Variants in COL4A3 observed in about 807,000 individuals in gnomAD.
COL4A3 encodes collagen alpha-3(IV) chain.
In COL4A3, 135 loss-of-function variants were observed where a neutral mutation model predicts 217.4. The ratio of observed to expected loss-of-function variants is 0.62; its 90% confidence interval spans 0.54 to 0.72. The LOEUF (loss-of-function observed/expected upper bound fraction) is 0.72. COL4A3 is among the 30% of genes least tolerant of loss of function. COL4A3 has a pLI of 0.00. For missense variants in COL4A3, 1,868 were observed against 2,119.9 expected (o/e 0.88, Z 2.33); for synonymous variants, 690 against 736.3 (o/e 0.94, Z 1.02).
chr2:227,201,343 ATAGT>A (rs1370531301), intron 1 of COL4A3, among the ~76,000 whole-genome samples: 4 of 152,178 alleles, frequency 2.6e-5, no homozygotes, highest in African/African-American at 4.8e-5. Flanking sequence ...AGGAGTTGAC[ATAGT>A]TAGGTGGAAT....
chr2:227,244,452 T>C, intron 4 of COL4A3, 88 bp downstream of exon 4: 8 of 1,240,608 alleles, frequency 6.4e-6, no homozygotes, highest in Non-Finnish European at 9.5e-6. Context: ...GAGTACACTG[T>C]GTATGGTTCC....
At chr2:227,300,530 G>A (rs575111858) in intron 43 of COL4A3, among the ~76,000 whole-genome samples, 4 of 152,236 alleles carry the variant, frequency 2.6e-5, no homozygotes, top group Non-Finnish European at 5.9e-5. Context: ...TCTTAGCAGC[G>A]TATTAGACAA....
In COL4A3 at chr2:227,243,537, G is replaced by T. The variant is rs183890059; in HGVS notation, c.235-783G>T. Among the ~76,000 whole-genome samples the T allele has an allele frequency of 4.6e-5, 7 of 152,332 alleles. No individual in the cohort carries two copies. The East Asian group carries it at 1.3e-3, about 29-fold the overall frequency. On this transcript the variant is annotated intron_variant, in intron 3 of 51. Transcript: ENST00000396578. ...GCACCCCGGAATTCCGCCATAGATG[G>T]GAGAGACTGACTTTGGCCTTGACAG...
Position 227,262,289 on chromosome 2 carries a change from G to A in COL4A3, c.1150+1172G>A, listed in dbSNP as rs2070628842. Among the ~76,000 whole-genome samples the A allele has an allele frequency of 2.6e-5, 4 of 151,950 alleles. No individual in the cohort carries two copies. In the South Asian group the frequency reaches 8.3e-4, roughly 32 times the overall value. On this transcript the variant is annotated intron_variant, in intron 20 of 51. Transcript: ENST00000396578. ...AGGAAGACCTCCTTCCCCCTGCCAG[G>A]CCCCTAAGTAAAAAAAACAAAACAA...
intron 11 of COL4A3, among the ~76,000 whole-genome samples, chr2:227,251,936 G>C (rs565688751): frequency 6.6e-6 from 1 of 151,766 alleles, no homozygotes; most frequent in African/African-American, 2.4e-5. Flanking sequence ...GGGCATGGTG[G>C]TGCATGCCTG....
At chr2:227,309,876 C>T (rs1267962361) in intron 50 of COL4A3, among the ~76,000 whole-genome samples, 4 of 152,164 alleles carry the variant, frequency 2.6e-5, no homozygotes, top group African/African-American at 9.7e-5. Context: ...ATCTGCCCAA[C>T]TCAGCCTCCC....
intron 9 of COL4A3, among the ~76,000 whole-genome samples, chr2:227,249,230 A>ATATATATATTTTTTTTTTTTTTTTTTTT: frequency 6.8e-5 from 1 of 14,692 alleles, no homozygotes; most frequent in Non-Finnish European, 1.2e-4. Context: ...ATATATATAT[A>ATATATATATTTTTTTTTTTTTTTTTTTT]TTTTTTTTTT....
At position 227,256,625 on chromosome 2, in the gene COL4A3, G is replaced by A. The variant is rs946899412; in HGVS notation, c.987+229G>A. The A allele has an allele frequency of 7.2e-5, 51 of 710,092 alleles. No homozygotes were observed. The Admixed American group carries it at 9.1e-4, about 13-fold the overall frequency. The allele number at this position is 710,092 out of a possible 1,614,324, so 44.0% of individuals were successfully genotyped here. On this transcript the variant is annotated intron_variant, in intron 17 of 51. Coordinates refer to ENST00000396578, the MANE Select transcript of COL4A3 (RefSeq NM_000091.5). Reference sequence around the variant, plus strand: ...TTGTACTGTGTACTTGAAGCTGTCTGACTTAGGACCAGTGAGAGTGCAGCT... The same window carrying A: ...TTGTACTGTGTACTTGAAGCTGTCTAACTTAGGACCAGTGAGAGTGCAGCT...
chr2:227,269,119 G>T (rs2071090802), intron 23 of COL4A3, among the ~76,000 whole-genome samples: 1 of 152,148 alleles, frequency 6.6e-6, no homozygotes, highest in South Asian at 2.1e-4. Flanking sequence ...GTCATTTAAA[G>T]GGATCATCTT....
intron 33 of COL4A3, 21 bp downstream of exon 33, chr2:227,283,877 C>G (rs1359554858): frequency 6.4e-7 from 1 of 1,572,052 alleles, no homozygotes; most frequent in Admixed American, 1.7e-5. Context: ...GAGTGTCTTT[C>G]TAAATAGCAG....
intron 34 of COL4A3, among the ~76,000 whole-genome samples, chr2:227,286,584 C>T (rs1389909317): frequency 3.3e-5 from 5 of 152,206 alleles, no homozygotes; most frequent in East Asian, 1.9e-4. Context: ...GGTCAAGTTA[C>T]TTGCCCAATG....
At chr2:227,302,563 G>C (rs1337658338) in intron 43 of COL4A3, among the ~76,000 whole-genome samples, 3 of 151,002 alleles carry the variant, frequency 2.0e-5, no homozygotes, top group African/African-American at 7.3e-5. Flanking sequence ...TATAATCCCA[G>C]CTACTTGGGA....
intron 1 of COL4A3, among the ~76,000 whole-genome samples, chr2:227,202,936 T>C (rs796530363): frequency 7.3e-5 from 2 of 27,312 alleles, no homozygotes; most frequent in African/African-American, 4.3e-4. Context: ...TATATATGTG[T>C]ATATATGTGT....
At chr2:227,266,172 C>T (rs944082251) in intron 21 of COL4A3, among the ~76,000 whole-genome samples, 7 of 150,258 alleles carry the variant, frequency 4.7e-5, no homozygotes, top group Non-Finnish European at 8.9e-5. Context: ...TAGGTTGATT[C>T]TGTGACCAAA....
intron 3 of COL4A3, among the ~76,000 whole-genome samples, chr2:227,243,946 AG>A (rs1449945273): frequency 2.0e-5 from 3 of 152,192 alleles, no homozygotes; most frequent in Non-Finnish European, 2.9e-5. Context: ...GAGGCTAATT[AG>A]GACTTTTGCA....
At chr2:227,241,440 G>A (rs1358695557) in intron 3 of COL4A3, among the ~76,000 whole-genome samples, 1 of 152,192 alleles carries the variant, frequency 6.6e-6, no homozygotes, top group Non-Finnish European at 1.5e-5. Flanking sequence ...CTGGGAGGCT[G>A]AGGCAGGAGG....
chr2:227,249,228 ATAT>A (rs1191347555), intron 9 of COL4A3, among the ~76,000 whole-genome samples: 82 of 22,188 alleles, frequency 3.7e-3, no homozygotes, highest in African/African-American at 0.012. Flanking sequence ...ATATATATAT[ATAT>A]TTTTTTTTTT....
chr2:227,223,444 C>T (rs2067917456), intron 1 of COL4A3, among the ~76,000 whole-genome samples: 1 of 152,120 alleles, frequency 6.6e-6, no homozygotes, highest in South Asian at 2.1e-4. Context: ...CTTTAGAAGG[C>T]AAATTCAGGC....
rs576801098 is a variant in COL4A3, at chr2:227,294,229, C to T, written c.3338-261C>T. 1,135 of 453,272 alleles carry T rather than the reference C, an allele frequency of 2.5e-3. 1 individual carries two copies. The highest frequency in any genetic ancestry group is 3.7e-3 in the Non-Finnish European group (935 of 250,932). 28.1% of individuals were successfully genotyped at this position (453,272 alleles called of 1,614,324 possible). On this transcript the variant is annotated intron_variant, in intron 38 of 51. Transcript: ENST00000396578. Reference sequence around the variant, plus strand: ...AGTTTCAATAAATTTGCATTTAACTCGCAATTAAAATAAAATCGCATATTG... The same window carrying T: ...AGTTTCAATAAATTTGCATTTAACTTGCAATTAAAATAAAATCGCATATTG...
Sources: gnomAD v4.1 joint callset for allele counts (sites outside exome capture counted in the v4.1 genomes callset) on GRCh38, gnomAD v4.1.1 for gene constraint, MANE v1.5 for transcripts, NCBI Gene and HGNC (gene_info 2026-07-23, HGNC 2026-07-21) for gene names.